The following RANBP2 variants were observed in gnomAD, a reference collection of about 807,000 sequenced individuals.
RANBP2 encodes RAN binding protein 2, also known as E3 SUMO-protein ligase RanBP2.
RANBP2 carries 57 observed loss-of-function variants against 303.6 expected under a neutral mutation model. The observed-to-expected ratio is 0.19, with a 90% confidence interval of 0.15 to 0.23. RANBP2 has a LOEUF of 0.23. Among genes scored for constraint, RANBP2 ranks in the 10% least tolerant of loss-of-function variants. RANBP2 has a pLI of 1.00. For synonymous variants in RANBP2, 1,167 were observed against 1,301.5 expected (o/e 0.90, Z 2.23); for missense variants, 3,138 against 3,780.8 (o/e 0.83, Z 4.46).
the RANBP2 span, among the ~76,000 whole-genome samples, chr2:109,430,516 C>T: frequency 6.6e-6 from 1 of 151,878 alleles, no homozygotes; most frequent in Non-Finnish European, 1.5e-5. Context: ...TCCCCATCTC[C>T]TCCTCCTCCC....
At chr2:109,181,142 G>T in the RANBP2 span, among the ~76,000 whole-genome samples, 1 of 152,138 alleles carries the variant, frequency 6.6e-6, no homozygotes, top group Non-Finnish European at 1.5e-5. Flanking sequence ...CTTCCAGCTC[G>T]TCTGTGTTTG....
At chr2:109,381,569 A>C in the RANBP2 span, among the ~76,000 whole-genome samples, 1 of 151,832 alleles carries the variant, frequency 6.6e-6, no homozygotes, top group Non-Finnish European at 1.5e-5. Context: ...CCGGGCTTCC[A>C]TGTTCTTGTC....
chr2:108,876,111 T>A, the RANBP2 span: 1 of 1,600,964 alleles, frequency 6.2e-7, no homozygotes, highest in East Asian at 2.2e-5. Flanking sequence ...CTCTTTGAAC[T>A]TTTTACGATT....
chr2:109,562,902 C>T, the RANBP2 span, among the ~76,000 whole-genome samples: 1 of 151,252 alleles, frequency 6.6e-6, no homozygotes, highest in East Asian at 2.0e-4. Flanking sequence ...GGGTTAAGTA[C>T]ACACAATGCT....
chr2:109,255,432 TG>T, the RANBP2 span, among the ~76,000 whole-genome samples: 2 of 152,200 alleles, frequency 1.3e-5, no homozygotes, highest in Non-Finnish European at 2.9e-5. Context: ...TATGAAGGTC[TG>T]TGGGGTTGTG....
the RANBP2 span, among the ~76,000 whole-genome samples, chr2:108,939,469 G>A: frequency 1.3e-5 from 2 of 152,224 alleles, no homozygotes; most frequent in South Asian, 4.1e-4. Context: ...GCTAATGACA[G>A]ATTACCAGGT....
the RANBP2 span, among the ~76,000 whole-genome samples, chr2:109,774,547 TATAATA>T: frequency 2.0e-5 from 2 of 100,000 alleles, 1 homozygote; most frequent in Admixed American, 2.9e-4. Context: ...ATAAAATATA[TATAATA>T]TATATATGTA....
At chr2:109,182,613 G>A in the RANBP2 span, among the ~76,000 whole-genome samples, 42 of 152,332 alleles carry the variant, frequency 2.8e-4, no homozygotes, top group East Asian at 9.6e-4. Context: ...TCGATGTTGC[G>A]TAAATTGGTG....
the RANBP2 span, among the ~76,000 whole-genome samples, chr2:109,051,589 A>G: frequency 5.3e-4 from 80 of 152,168 alleles, no homozygotes; most frequent in Non-Finnish European, 9.6e-4. Flanking sequence ...ATAATAAACC[A>G]AGAGGGAGAG....
At chr2:109,649,010 G>T in the RANBP2 span, among the ~76,000 whole-genome samples, 5 of 152,280 alleles carry the variant, frequency 3.3e-5, no homozygotes, top group East Asian at 7.7e-4. Flanking sequence ...CAATCAGGTA[G>T]GTGGCTGCAG....
At chr2:109,575,221 G>C in the RANBP2 span, among the ~76,000 whole-genome samples, 1 of 152,100 alleles carries the variant, frequency 6.6e-6, no homozygotes, top group Admixed American at 6.6e-5. Context: ...CTGCTCGAAG[G>C]GGCTGGCAGC....
chr2:109,457,583 G>T, the RANBP2 span, among the ~76,000 whole-genome samples: 2 of 152,238 alleles, frequency 1.3e-5, no homozygotes, highest in Non-Finnish European at 2.9e-5. Flanking sequence ...CAAGCGATGC[G>T]TGTGACAGTG....
At position 108,764,891 on chromosome 2, in the gene RANBP2, T is replaced by C; in HGVS notation, c.4352T>C (p.Phe1451Ser). 2 of 1,614,036 alleles carry C rather than the reference T, an allele frequency of 1.2e-6. No individual in the cohort carries two copies. Among genetic ancestry groups the C allele is most frequent in the Non-Finnish European group, 1.7e-6 (2 of 1,179,942 alleles). ...TCTGCTAACAAAAGTGGATCTTCATTTGTTCATCAAGCTTCATTTAAATTT... is the reference window on the plus strand; with the variant it reads ...TCTGCTAACAAAAGTGGATCTTCATCTGTTCATCAAGCTTCATTTAAATTT... Reference protein sequence around the residue: ...TKSANKSGSSFVHQASFKFGQ... With the variant: ...TKSANKSGSSSVHQASFKFGQ... The change falls in exon 20 of 29, where the codon TTT (phenylalanine) becomes TCT (serine). Residue 1451 changes from phenylalanine (F) to serine (S), a missense_variant. This residue lies in a region of RANBP2 where 388 missense variants were observed against 328.5 expected (regional missense o/e 1.18). Coordinates refer to ENST00000283195, the MANE Select transcript of RANBP2 (RefSeq NM_006267.5).
At chr2:109,129,289 G>A in the RANBP2 span, 2 of 683,534 alleles carry the variant, frequency 2.9e-6, no homozygotes, top group African/African-American at 1.9e-5. Flanking sequence ...GTAGCCCGCA[G>A]CCGCAGGCGC....
At chr2:109,635,510 G>A in the RANBP2 span, among the ~76,000 whole-genome samples, 1 of 152,130 alleles carries the variant, frequency 6.6e-6, no homozygotes, top group African/African-American at 2.4e-5. Context: ...GCAGGCATTT[G>A]TTCAATAATC....
chr2:108,902,063 C>A, the RANBP2 span, among the ~76,000 whole-genome samples: 31 of 152,230 alleles, frequency 2.0e-4, no homozygotes, highest in African/African-American at 6.7e-4. Context: ...CATGGTGAAA[C>A]CCCATATCTA....
chr2:108,747,262 C>T (rs1696587959), intron 8 of RANBP2, among the ~76,000 whole-genome samples: 1 of 152,138 alleles, frequency 6.6e-6, no homozygotes, highest in Admixed American at 6.5e-5. Flanking sequence ...TTTTTTCCCC[C>T]ATTTTTGGCT....
chr2:109,173,849 T>C, the RANBP2 span, among the ~76,000 whole-genome samples: 2 of 152,224 alleles, frequency 1.3e-5, no homozygotes, highest in African/African-American at 4.8e-5. Context: ...TGGAATTGGA[T>C]GTTCAGACTC....
the RANBP2 span, among the ~76,000 whole-genome samples, chr2:109,369,766 T>G: frequency 2.6e-5 from 4 of 152,100 alleles, no homozygotes; most frequent in Non-Finnish European, 5.9e-5. Flanking sequence ...CTGCCTCAAC[T>G]CGGATGGACA....
Sources: gnomAD v4.1 joint callset for allele counts (sites outside exome capture counted in the v4.1 genomes callset) on GRCh38, gnomAD v4.1.1 for gene constraint, gnomAD v4.1.1 regional missense constraint, MANE v1.5 for transcripts, NCBI Gene and HGNC (gene_info 2026-07-23, HGNC 2026-07-21) for gene names.